Variants in PPFIA2 observed in about 807,000 individuals in gnomAD.
PPFIA2 encodes liprin-alpha-2.
PPFIA2 carries 46 observed loss-of-function variants against 175.5 expected under a neutral mutation model. The observed-to-expected ratio is 0.26, with a 90% confidence interval of 0.21 to 0.34. The LOEUF (loss-of-function observed/expected upper bound fraction) is 0.34, where lower values mean the gene tolerates loss of function less well. Among genes scored for constraint, PPFIA2 ranks in the 10% least tolerant of loss-of-function variants. PPFIA2 has a pLI of 1.00. For synonymous variants in PPFIA2, 568 were observed against 511.4 expected (o/e 1.11, Z -1.49); for missense variants, 1,179 against 1,506.1 (o/e 0.78, Z 3.60).
rs564730517 is a variant in PPFIA2, at chr12:81,279,810, G to A, written c.3212+1447C>T. ...TGAAATATGAAGCCCTAAACTTCCC[G>A]TGACAGGGAGCTCACTCACTACCTC... On this transcript the variant is annotated intron_variant, in intron 27 of 32. Transcript: ENST00000549396. Among the ~76,000 whole-genome samples, 11 of 152,180 alleles carry A rather than the reference G, an allele frequency of 7.2e-5. No individual in the cohort carries two copies. The East Asian group carries it at 9.7e-4, about 13-fold the overall frequency.
At chr12:81,630,881 C>CTACA (rs2063294720) in intron 4 of PPFIA2, among the ~76,000 whole-genome samples, 1 of 140,664 alleles carries the variant, frequency 7.1e-6, no homozygotes, top group Non-Finnish European at 1.5e-5. Flanking sequence ...TATGGAAAGG[C>CTACA]TATATATATA....
At chr12:81,608,727 T>G (rs540416642) in intron 4 of PPFIA2, among the ~76,000 whole-genome samples, 2 of 152,124 alleles carry the variant, frequency 1.3e-5, no homozygotes, top group East Asian at 3.9e-4. Context: ...ACCTTGCTTA[T>G]TTTTTCAAAA....
chr12:81,721,723 T>A (rs1263875232), intron 3 of PPFIA2, among the ~76,000 whole-genome samples: 1 of 151,300 alleles, frequency 6.6e-6, no homozygotes, highest in Non-Finnish European at 1.5e-5. Flanking sequence ...ACCTTTTTTG[T>A]CATAATTTCA....
intron 4 of PPFIA2, among the ~76,000 whole-genome samples, chr12:81,487,779 T>A (rs2058989772): frequency 6.6e-6 from 1 of 151,754 alleles, no homozygotes; most frequent in South Asian, 2.1e-4. Flanking sequence ...AAATGACAGA[T>A]GTTTAATGGC....
intron 11 of PPFIA2, among the ~76,000 whole-genome samples, chr12:81,372,634 C>A: frequency 6.8e-6 from 1 of 147,862 alleles, no homozygotes. Flanking sequence ...GAGTGATCCT[C>A]AAATGTTTAA....
intron 3 of PPFIA2, among the ~76,000 whole-genome samples, chr12:81,719,924 T>G (rs2079103198): frequency 6.6e-6 from 1 of 151,460 alleles, no homozygotes; most frequent in Non-Finnish European, 1.5e-5. Context: ...TTCCATTTGC[T>G]TACAGTTAAA....
At chr12:81,521,233 C>T (rs1368723300) in intron 4 of PPFIA2, among the ~76,000 whole-genome samples, 3 of 151,214 alleles carry the variant, frequency 2.0e-5, no homozygotes, top group Non-Finnish European at 4.4e-5. Context: ...GTGTAAAGAT[C>T]GCTACCAAAA....
At position 81,384,195 on chromosome 12, in the gene PPFIA2, A is replaced by G. The variant is rs1265037526; in HGVS notation, c.812T>C (p.Val271Ala). The change falls in exon 9 of 33, where the codon GTT becomes GCT. Residue 271 changes from valine (V) to alanine (A), a missense_variant. Val to Ala is a moderately conservative substitution (Grantham distance 64, BLOSUM62 0). Transcript: ENST00000549396. ...IDSTDETSQI[V>A]ELQELLEKQN... The stretch of plus-strand genomic sequence containing the variant: ...CTTTTCAAGCAATTCTTGTAGTTCA[A>G]CTATTTGACTAGTTTCATCGGTTGA... 3.1e-6 allele frequency: 5 copies of G among 1,607,408 alleles called. No individual in the cohort carries two copies. The highest frequency in any genetic ancestry group is 3.4e-6 in the Non-Finnish European group (4 of 1,176,114).
At chr12:81,636,613 A>G (rs2064093907) in intron 4 of PPFIA2, among the ~76,000 whole-genome samples, 1 of 150,988 alleles carries the variant, frequency 6.6e-6, no homozygotes, top group Non-Finnish European at 1.5e-5. Context: ...GAGACAGCTC[A>G]CAAGATTATT....
intron 4 of PPFIA2, among the ~76,000 whole-genome samples, chr12:81,663,487 G>A (rs1397168067): frequency 6.6e-6 from 1 of 152,010 alleles, no homozygotes; most frequent in African/African-American, 2.4e-5. Flanking sequence ...TACAATGGAT[G>A]GAAGGACCTC....
At chr12:81,714,909 G>T (rs531372304) in intron 3 of PPFIA2, among the ~76,000 whole-genome samples, 14 of 150,940 alleles carry the variant, frequency 9.3e-5, no homozygotes, top group African/African-American at 3.1e-4. Context: ...TGCTTGATAG[G>T]AATTGCTCTA....
intron 11 of PPFIA2, 41 bp from the exon 12 acceptor site, chr12:81,369,235 T>A: frequency 6.3e-7 from 1 of 1,589,334 alleles, no homozygotes; most frequent in Non-Finnish European, 8.6e-7. Flanking sequence ...ATGTAAGATT[T>A]GGTTAACACT....
intron 4 of PPFIA2, among the ~76,000 whole-genome samples, chr12:81,551,569 T>C (rs1452592381): frequency 6.6e-6 from 1 of 151,936 alleles, no homozygotes; most frequent in Admixed American, 6.6e-5. Flanking sequence ...TGATCTAAAG[T>C]ATAGTGAAGG....
chr12:81,367,318 AT>A, intron 13 of PPFIA2, 148 bp from the exon 14 acceptor site: 1 of 542,366 alleles, frequency 1.8e-6, no homozygotes, highest in Non-Finnish European at 2.7e-6. Context: ...CCATGCTTTG[AT>A]GAAATTTTCA....
intron 7 of PPFIA2, among the ~76,000 whole-genome samples, chr12:81,412,467 A>G (rs1460549394): frequency 6.6e-6 from 1 of 151,900 alleles, no homozygotes; most frequent in Non-Finnish European, 1.5e-5. Flanking sequence ...TAAACTTTGC[A>G]TCTACATTAT....
chr12:81,631,078 T>G (rs1406041403), intron 4 of PPFIA2, among the ~76,000 whole-genome samples: 1 of 151,786 alleles, frequency 6.6e-6, no homozygotes, highest in Non-Finnish European at 1.5e-5. Flanking sequence ...TATTTTTTTG[T>G]AGAGATAGAG....
chr12:81,658,236 C>A (rs959135451), intron 4 of PPFIA2, among the ~76,000 whole-genome samples: 20 of 146,824 alleles, frequency 1.4e-4, no homozygotes, highest in African/African-American at 4.3e-4. Context: ...CCATTGCACT[C>A]CAGCCTGGGC....
At chr12:81,707,644 C>T (rs1375087019) in intron 3 of PPFIA2, among the ~76,000 whole-genome samples, 4 of 149,340 alleles carry the variant, frequency 2.7e-5, no homozygotes, top group Admixed American at 6.8e-5. Flanking sequence ...ACTAGAAATA[C>T]CGTTTGACCC....
intron 3 of PPFIA2, among the ~76,000 whole-genome samples, chr12:81,739,662 AT>A (rs2082099338): frequency 6.6e-6 from 1 of 152,074 alleles, no homozygotes; most frequent in African/African-American, 2.4e-5. Flanking sequence ...TTAATAAAAA[AT>A]TTTGAACTAT....
Sources: gnomAD v4.1 joint callset for allele counts (sites outside exome capture counted in the v4.1 genomes callset) on GRCh38, gnomAD v4.1.1 for gene constraint, MANE v1.5 for transcripts, NCBI Gene and HGNC (gene_info 2026-07-23, HGNC 2026-07-21) for gene names.